The following NAALADL2 variants were observed in gnomAD, a reference collection of about 807,000 sequenced individuals.
NAALADL2 encodes the protein inactive N-acetylated-alpha-linked acidic dipeptidase-like protein 2.
A neutral mutation model predicts 87.2 loss-of-function variants in NAALADL2; 76 were observed. The observed-to-expected ratio is 0.87, with a 90% CI of 0.72 to 1.05. The LOEUF (loss-of-function observed/expected upper bound fraction) is 1.05. Ranked by LOEUF, NAALADL2 falls within the 50% of genes least tolerant of loss-of-function variation. NAALADL2 has a pLI of 0.00. For missense variants in NAALADL2, 1,089 were observed against 945.8 expected (o/e 1.15, Z -1.99); for synonymous variants, 354 against 331.0 (o/e 1.07, Z -0.75).
chr3:175,473,258 G>A (rs79963640), intron 9 of NAALADL2, among the ~76,000 whole-genome samples: 4,813 of 152,136 alleles, frequency 0.032, 243 homozygotes, highest in African/African-American at 0.11. Flanking sequence ...CACAAGTGAT[G>A]ATTGATGATT....
At chr3:174,635,318 G>A (rs1722524496) in intron 2 of NAALADL2, among the ~76,000 whole-genome samples, 1 of 152,060 alleles carries the variant, frequency 6.6e-6, no homozygotes, top group Non-Finnish European at 1.5e-5. Context: ...AAAAGGTAAG[G>A]ATTATATTTT....
chr3:174,767,433 C>T (rs1023991766), intron 3 of NAALADL2, among the ~76,000 whole-genome samples: 4 of 152,272 alleles, frequency 2.6e-5, no homozygotes, highest in South Asian at 2.1e-4. Context: ...GGTGATATCA[C>T]CTGGATCTAA....
At chr3:174,744,810 AC>A (rs755913752) in intron 3 of NAALADL2, among the ~76,000 whole-genome samples, 78 of 152,302 alleles carry the variant, frequency 5.1e-4, no homozygotes, top group Non-Finnish European at 9.0e-4. Flanking sequence ...AAACCAGACA[AC>A]TATATGGAAA....
At chr3:174,490,889 C>T (rs1326254230) in intron 1 of NAALADL2, among the ~76,000 whole-genome samples, 1 of 151,886 alleles carries the variant, frequency 6.6e-6, no homozygotes. Context: ...TATTTAGTAC[C>T]ACCATCAATT....
chr3:175,074,680 A>G (rs1487550333), intron 1 of NAALADL2, among the ~76,000 whole-genome samples: 1 of 152,086 alleles, frequency 6.6e-6, no homozygotes, highest in Non-Finnish European at 1.5e-5. Flanking sequence ...GTCTTTTAAA[A>G]TTACATACTG....
intron 1 of NAALADL2, among the ~76,000 whole-genome samples, chr3:174,475,766 T>C (rs969400901): frequency 3.3e-5 from 5 of 152,024 alleles, no homozygotes; most frequent in African/African-American, 1.2e-4. Flanking sequence ...GTGAGTCTAG[T>C]CCACCAATAT....
chr3:175,494,688 C>A (rs1192597395), intron 9 of NAALADL2, among the ~76,000 whole-genome samples: 6 of 152,154 alleles, frequency 3.9e-5, no homozygotes, highest in Middle Eastern at 3.4e-3. Context: ...TACCGATTTC[C>A]AATCGGTACC....
rs566986347 is a variant in NAALADL2 at position 175,637,606 on chromosome 3, C to A, written c.1896+10220C>A. Among the ~76,000 whole-genome samples, 3 of 152,236 alleles carry A rather than the reference C, an allele frequency of 2.0e-5. No homozygotes were observed. The East Asian group carries it at 5.8e-4, about 29-fold the overall frequency. Reference sequence around the variant, plus strand: ...CAGTCCCCTCTTGCTCTCTTGCTTGCTCTCACCATGTGATCTCTGCACATG... The same window carrying A: ...CAGTCCCCTCTTGCTCTCTTGCTTGATCTCACCATGTGATCTCTGCACATG... On this transcript the variant is annotated intron_variant, in intron 11 of 13. Coordinates refer to ENST00000454872, the MANE Select transcript of NAALADL2 (RefSeq NM_207015.3).
chr3:175,178,025 A>G (rs895468541), intron 2 of NAALADL2, among the ~76,000 whole-genome samples: 4 of 152,102 alleles, frequency 2.6e-5, no homozygotes, highest in Non-Finnish European at 5.9e-5. Context: ...TTCAGGAGCC[A>G]GACTGCCTAC....
intron 2 of NAALADL2, among the ~76,000 whole-genome samples, chr3:174,604,550 G>A (rs1452498838): frequency 6.6e-6 from 1 of 151,982 alleles, no homozygotes; most frequent in Non-Finnish European, 1.5e-5. Flanking sequence ...TGGTTGAAGA[G>A]TTTAGCCATT....
chr3:174,445,545 A>G (rs1714992619), intron 1 of NAALADL2, among the ~76,000 whole-genome samples: 1 of 152,130 alleles, frequency 6.6e-6, no homozygotes, highest in Non-Finnish European at 1.5e-5. Context: ...GGTACATTCA[A>G]AGAAATAGAT....
At chr3:175,374,014 A>T (rs763039218) in intron 5 of NAALADL2, among the ~76,000 whole-genome samples, 12 of 152,042 alleles carry the variant, frequency 7.9e-5, no homozygotes, top group Non-Finnish European at 1.5e-4. Context: ...TTTTCTTACT[A>T]TTGAATTTTT....
intron 2 of NAALADL2, among the ~76,000 whole-genome samples, chr3:175,188,429 CT>C (rs1737659889): frequency 6.6e-6 from 1 of 152,252 alleles, no homozygotes; most frequent in African/African-American, 2.4e-5. Context: ...GAGTCATGAC[CT>C]CCAGTGCCTG....
chr3:174,804,709 TA>T (rs1719252661), intron 3 of NAALADL2, among the ~76,000 whole-genome samples: 2 of 152,160 alleles, frequency 1.3e-5, no homozygotes, highest in African/African-American at 2.4e-5. Context: ...GATGGAAATT[TA>T]TATGTGACTG....
Position 175,467,285 on chromosome 3 carries a change from AAC to A in NAALADL2, c.1533+105_1533+106del. ...AGCCAAGGGCAATAATGTGCTTCTC[AAC>A]ACAAGTGTCATATTGCCTAATTTGC... is the stretch of plus-strand genomic sequence containing the variant. On this transcript the variant is annotated intron_variant, in intron 8 of 13. Coordinates refer to ENST00000454872, the MANE Select transcript of NAALADL2 (RefSeq NM_207015.3). The A allele has an allele frequency of 3.4e-6, 3 of 878,852 alleles. No homozygotes were observed. The South Asian group carries it at 5.1e-5, about 15-fold the overall frequency. 54.4% of individuals were successfully genotyped at this position (878,852 alleles called of 1,614,324 possible).
chr3:175,366,834 C>T (rs1765657220), intron 5 of NAALADL2, among the ~76,000 whole-genome samples: 1 of 151,794 alleles, frequency 6.6e-6, no homozygotes, highest in Non-Finnish European at 1.5e-5. Flanking sequence ...TTGGTAGTTT[C>T]TTTTGCTGTG....
intron 1 of NAALADL2, among the ~76,000 whole-genome samples, chr3:174,953,327 TC>T (rs1740678771): frequency 8.0e-5 from 1 of 12,516 alleles, no homozygotes; most frequent in Admixed American, 8.4e-4. Flanking sequence ...TCCCCTCCCC[TC>T]CCCTCCCCTC....
chr3:174,743,682 TAGAA>T (rs1319770381), intron 3 of NAALADL2, among the ~76,000 whole-genome samples: 1 of 151,856 alleles, frequency 6.6e-6, no homozygotes, highest in Non-Finnish European at 1.5e-5. Flanking sequence ...ATTTCCAAAT[TAGAA>T]TAGAATATTA....
At chr3:175,385,817 T>C (rs1011665969) in intron 5 of NAALADL2, among the ~76,000 whole-genome samples, 11 of 152,020 alleles carry the variant, frequency 7.2e-5, no homozygotes, top group African/African-American at 1.9e-4. Context: ...GAAGAAAAGT[T>C]ATATAAAGTT....
Sources: allele counts gnomAD v4.1 joint callset (sites outside exome capture counted in the v4.1 genomes callset), GRCh38; gene constraint gnomAD v4.1.1; transcripts MANE v1.5; gene names NCBI Gene and HGNC (gene_info 2026-07-23, HGNC 2026-07-21).